PTPRT: variants seen among roughly 807,000 people sequenced by gnomAD.
PTPRT encodes receptor-type tyrosine-protein phosphatase T.
In PTPRT, 56 loss-of-function variants were observed where a neutral mutation model predicts 176.8. The ratio of observed to expected loss-of-function variants is 0.32; its 90% CI spans 0.26 to 0.40. The LOEUF is 0.40. Among genes scored for constraint, PTPRT ranks in the 10% least tolerant of loss-of-function variants. The pLI is 1.00. For missense variants in PTPRT, 1,540 were observed against 1,908.2 expected, an observed-to-expected ratio of 0.81 and a Z score of 3.60; for synonymous variants, 783 against 739.0, an observed-to-expected ratio of 1.06 and a Z score of -0.96.
intron 2 of PTPRT, among the ~76,000 whole-genome samples, chr20:42,807,844 G>A (rs1204125263): frequency 1.3e-5 from 2 of 152,180 alleles, no homozygotes; most frequent in Non-Finnish European, 2.9e-5. Context: ...TACCAAGCAT[G>A]CAGAGACACA....
At chr20:42,448,450 CT>C (rs775080711) in intron 8 of PTPRT, 121 bp from the exon 9 acceptor site, 24 of 710,850 alleles carry the variant, frequency 3.4e-5, no homozygotes, top group Non-Finnish European at 5.0e-6. Context: ...TATTTTAGGT[CT>C]GATGGGCTGT....
At position 42,458,511 on chromosome 20, in the gene PTPRT, C is replaced by G. The variant is rs62203538; in HGVS notation, c.1451-10182G>C. 8.7e-3 allele frequency among the ~76,000 whole-genome samples: 1,325 copies of G among 152,246 alleles called. 11 individuals carry two copies. The highest frequency in any genetic ancestry group is 0.014 in the Middle Eastern group (4 of 294). On this transcript the variant is annotated intron_variant, in intron 8 of 30. Transcript: ENST00000373187. ...TATGTTAATATACACAAAGTGCTTA[C>G]CTAGGTGTCTGGCACAAAGTAAATA...
At chr20:42,549,572 C>CTAGA (rs748473505) in intron 7 of PTPRT, among the ~76,000 whole-genome samples, 17 of 152,210 alleles carry the variant, frequency 1.1e-4, no homozygotes, top group Non-Finnish European at 2.4e-4. Context: ...ACTACCTGCA[C>CTAGA]TAGAGATCAA....
intron 9 of PTPRT, among the ~76,000 whole-genome samples, chr20:42,368,604 A>G (rs1159894485): frequency 6.6e-6 from 1 of 152,198 alleles, no homozygotes; most frequent in Non-Finnish European, 1.5e-5. Flanking sequence ...CCCAAATGTG[A>G]GGAAAGCAAC....
At chr20:42,436,491 C>T (rs1568877163) in intron 9 of PTPRT, among the ~76,000 whole-genome samples, 1 of 152,100 alleles carries the variant, frequency 6.6e-6, no homozygotes. Context: ...CAACAAGATA[C>T]CATTTTATAT....
intron 7 of PTPRT, among the ~76,000 whole-genome samples, chr20:42,649,072 G>C (rs2074979089): frequency 6.6e-6 from 1 of 151,934 alleles, no homozygotes; most frequent in African/African-American, 2.4e-5. Context: ...GCCCACCTCG[G>C]CCTCCCAAAG....
At chr20:42,959,410 C>A (rs1480427512) in intron 1 of PTPRT, among the ~76,000 whole-genome samples, 2 of 152,170 alleles carry the variant, frequency 1.3e-5, no homozygotes, top group Non-Finnish European at 2.9e-5. Flanking sequence ...GAAAAGAAAA[C>A]CAGATGTGAC....
At chr20:42,428,938 T>C (rs886145954) in intron 9 of PTPRT, among the ~76,000 whole-genome samples, 2 of 152,108 alleles carry the variant, frequency 1.3e-5, no homozygotes, top group African/African-American at 4.8e-5. Context: ...CTCCCCACCC[T>C]ACATCTGCAA....
chr20:42,196,516 A>G (rs1991223444), intron 16 of PTPRT, among the ~76,000 whole-genome samples: 1 of 152,226 alleles, frequency 6.6e-6, no homozygotes, highest in South Asian at 2.1e-4. Flanking sequence ...TATACAATAA[A>G]CTGTTATTAA....
rs73265839 is a variant in PTPRT, at chr20:43,092,508, G to C, written c.88+97138C>G. ...TGTTAAGGAGAGACACAAATACTATGTAGACATTAGCACTGCTTGCCAAAT... is the reference window on the plus strand; with the variant it reads ...TGTTAAGGAGAGACACAAATACTATCTAGACATTAGCACTGCTTGCCAAAT... On this transcript the variant is annotated intron_variant, in intron 1 of 30. Coordinates refer to ENST00000373187, the MANE Select transcript of PTPRT (RefSeq NM_007050.6). 9.3e-3 allele frequency among the ~76,000 whole-genome samples: 1,421 copies of C among 152,308 alleles called. 29 individuals are homozygous for C. Among genetic ancestry groups the C allele is most frequent in the African/African-American group, 0.032 (1,324 of 41,558 alleles).
At chr20:42,184,798 T>TC (rs1990705991) in intron 16 of PTPRT, among the ~76,000 whole-genome samples, 1 of 148,448 alleles carries the variant, frequency 6.7e-6, no homozygotes, top group Non-Finnish European at 1.5e-5. Context: ...CGGCTAATTT[T>TC]TTTTTTTTTG....
At chr20:42,055,477 C>T in the PTPRT span, among the ~76,000 whole-genome samples, 3 of 152,180 alleles carry the variant, frequency 2.0e-5, no homozygotes, top group Non-Finnish European at 2.9e-5. Context: ...GCTGCAAGAG[C>T]AGCCAGGCCA....
In PTPRT at chr20:42,445,768, C is replaced by T. The variant is rs57591234; in HGVS notation, c.1560+2452G>A. Among the ~76,000 whole-genome samples the T allele has an allele frequency of 3.3e-5, 5 of 152,314 alleles. No individual in the cohort carries two copies. The East Asian group carries it at 9.6e-4, about 29-fold the overall frequency. ...GTCTCCCATAGAATCCATGGGAATG[C>T]CAACATCCCTGGCATCTGGTCTCTG... On this transcript the variant is annotated intron_variant, in intron 9 of 30. Transcript: ENST00000373187.
At chr20:42,623,584 T>C (rs2074237412) in intron 7 of PTPRT, among the ~76,000 whole-genome samples, 1 of 152,202 alleles carries the variant, frequency 6.6e-6, no homozygotes, top group East Asian at 1.9e-4. Flanking sequence ...TCCATCTCCA[T>C]GTGAGAGGCC....
At chr20:42,609,791 C>G (rs912704418) in intron 7 of PTPRT, among the ~76,000 whole-genome samples, 1 of 152,224 alleles carries the variant, frequency 6.6e-6, no homozygotes, top group Non-Finnish European at 1.5e-5. Context: ...AGCTGACCCC[C>G]ACTCCCCCCA....
At chr20:42,633,161 A>G (rs1191954035) in intron 7 of PTPRT, among the ~76,000 whole-genome samples, 1 of 152,196 alleles carries the variant, frequency 6.6e-6, no homozygotes, top group African/African-American at 2.4e-5. Flanking sequence ...TGAACATTCT[A>G]GGTCCTTGAG....
intron 5 of PTPRT, among the ~76,000 whole-genome samples, chr20:42,763,343 A>G (rs1419578402): frequency 1.3e-5 from 2 of 152,240 alleles, no homozygotes; most frequent in African/African-American, 4.8e-5. Context: ...TGTCTTTAAT[A>G]AAAGGAAACC....
chr20:42,706,159 A>G (rs376879368), intron 6 of PTPRT, among the ~76,000 whole-genome samples: 30 of 141,862 alleles, frequency 2.1e-4, no homozygotes, highest in Middle Eastern at 7.0e-3. Context: ...GTCTCTCTTT[A>G]TCTCTCTCTC....
chr20:42,866,257 A>T (rs208274), intron 2 of PTPRT, among the ~76,000 whole-genome samples: 49,582 of 152,046 alleles, frequency 0.33, 9,150 homozygotes, highest in African/African-American at 0.51. Flanking sequence ...TCTCTGCATG[A>T]GCATCCTGGC....
Sources: gnomAD v4.1 joint callset for allele counts (sites outside exome capture counted in the v4.1 genomes callset) on GRCh38, gnomAD v4.1.1 for gene constraint, MANE v1.5 for transcripts, NCBI Gene and HGNC (gene_info 2026-07-23, HGNC 2026-07-21) for gene names.